RPS6KC1: variants seen among roughly 807,000 people sequenced by gnomAD.
RPS6KC1 encodes inactive ribosomal protein S6 kinase delta-1.
In RPS6KC1, 54 loss-of-function variants were observed where a neutral mutation model predicts 103.8. The ratio of observed to expected loss-of-function variants is 0.52; its 90% confidence interval spans 0.42 to 0.65. The LOEUF (loss-of-function observed/expected upper bound fraction) is 0.65. RPS6KC1 is among the 30% of genes least tolerant of loss of function. The probability of loss-of-function intolerance (pLI) is 0.00; values close to 1 mark genes in which losing one functional copy is unlikely to be tolerated. For synonymous variants in RPS6KC1, 439 were observed against 438.7 expected (o/e 1.00, Z -0.01); for missense variants, 1,151 against 1,253.8 (o/e 0.92, Z 1.24).
At chr1:213,394,114 C>T in the RPS6KC1 span, among the ~76,000 whole-genome samples, 1 of 152,040 alleles carries the variant, frequency 6.6e-6, no homozygotes, top group Non-Finnish European at 1.5e-5. Flanking sequence ...GGCAGCTTAG[C>T]TGAGTGCAGA....
chr1:213,373,760 A>C, the RPS6KC1 span, among the ~76,000 whole-genome samples: 1 of 152,224 alleles, frequency 6.6e-6, no homozygotes. Flanking sequence ...AAAGTAGCCT[A>C]TTGCACCTTC....
At chr1:213,346,155 G>A in the RPS6KC1 span, among the ~76,000 whole-genome samples, 1,786 of 152,106 alleles carry the variant, frequency 0.012, 40 homozygotes, top group African/African-American at 0.041. Context: ...TTTTTGCCTT[G>A]CATTTAACAA....
At chr1:213,803,899 A>G in the RPS6KC1 span, among the ~76,000 whole-genome samples, 1 of 138,188 alleles carries the variant, frequency 7.2e-6, no homozygotes, top group African/African-American at 2.7e-5. Context: ...GATCTACAAA[A>G]TGGACACTGG....
the RPS6KC1 span, among the ~76,000 whole-genome samples, chr1:213,667,290 C>T: frequency 6.6e-6 from 1 of 152,154 alleles, no homozygotes; most frequent in East Asian, 1.9e-4. Flanking sequence ...ACCTCAAAGA[C>T]ATTGCAAGCT....
the RPS6KC1 span, among the ~76,000 whole-genome samples, chr1:213,314,989 G>A: frequency 1.3e-5 from 2 of 152,068 alleles, no homozygotes; most frequent in Non-Finnish European, 2.9e-5. Flanking sequence ...AAAATGGGCA[G>A]CGCATCATTA....
At chr1:213,091,781 T>C (rs931533996) in intron 3 of RPS6KC1, among the ~76,000 whole-genome samples, 1 of 152,196 alleles carries the variant, frequency 6.6e-6, no homozygotes, top group Non-Finnish European at 1.5e-5. Flanking sequence ...CTTGAATTGT[T>C]AGGCCCAGTT....
At chr1:213,240,668 A>G (rs747406363) in intron 10 of RPS6KC1, 34 bp from the exon 11 acceptor site, 10 of 1,534,158 alleles carry the variant, frequency 6.5e-6, no homozygotes, top group Non-Finnish European at 8.8e-6. Context: ...GGAGATCTTA[A>G]TACTTTTGTT....
At chr1:213,357,796 A>C in the RPS6KC1 span, among the ~76,000 whole-genome samples, 2 of 152,220 alleles carry the variant, frequency 1.3e-5, no homozygotes, top group African/African-American at 4.8e-5. Flanking sequence ...GAGAAAGGTA[A>C]ACCAGGTTGT....
At chr1:213,301,172 C>T in the RPS6KC1 span, among the ~76,000 whole-genome samples, 9 of 152,144 alleles carry the variant, frequency 5.9e-5, no homozygotes, top group African/African-American at 1.4e-4. Context: ...GCTGTCTTCT[C>T]CTTTCCTGTT....
the RPS6KC1 span, among the ~76,000 whole-genome samples, chr1:213,342,617 A>G: frequency 1.3e-5 from 2 of 152,172 alleles, no homozygotes; most frequent in East Asian, 1.9e-4. Flanking sequence ...CAGCCTTTCC[A>G]TACAGTTACT....
the RPS6KC1 span, among the ~76,000 whole-genome samples, chr1:213,407,132 T>C: frequency 6.6e-6 from 1 of 152,088 alleles, no homozygotes; most frequent in East Asian, 1.9e-4. Flanking sequence ...GTGCCAGTGG[T>C]TGAATTCCAG....
At chr1:213,331,187 T>C in the RPS6KC1 span, among the ~76,000 whole-genome samples, 1 of 152,184 alleles carries the variant, frequency 6.6e-6, no homozygotes, top group African/African-American at 2.4e-5. Flanking sequence ...GATTTAATGA[T>C]GTATGGAGGA....
chr1:213,252,664 T>C (rs2094566250), intron 12 of RPS6KC1, among the ~76,000 whole-genome samples: 1 of 152,202 alleles, frequency 6.6e-6, no homozygotes, highest in African/African-American at 2.4e-5. Flanking sequence ...AAAGAGAACT[T>C]TGGAATCCTT....
intron 10 of RPS6KC1, among the ~76,000 whole-genome samples, chr1:213,239,057 T>C (rs894496689): frequency 3.3e-5 from 5 of 152,078 alleles, no homozygotes; most frequent in South Asian, 2.1e-4. Flanking sequence ...AGTTGAAATA[T>C]GGAGAAATGT....
chr1:213,152,354 C>T (rs867747400), intron 6 of RPS6KC1, among the ~76,000 whole-genome samples: 35 of 144,724 alleles, frequency 2.4e-4, no homozygotes, highest in African/African-American at 6.7e-4. Context: ...CCCTCCCGGA[C>T]GGGGCGGCTG....
chr1:213,599,110 C>T, the RPS6KC1 span, among the ~76,000 whole-genome samples: 1 of 151,918 alleles, frequency 6.6e-6, no homozygotes, highest in African/African-American at 2.4e-5. Flanking sequence ...TTTCATTTTC[C>T]CTGTGTGGTA....
the RPS6KC1 span, among the ~76,000 whole-genome samples, chr1:213,292,719 G>C: frequency 4.4e-3 from 671 of 152,292 alleles, 3 homozygotes; most frequent in African/African-American, 0.015. Context: ...AAGTGGAATA[G>C]AGGCGGTAGG....
At chr1:213,428,542 T>C in the RPS6KC1 span, among the ~76,000 whole-genome samples, 393 of 70,572 alleles carry the variant, frequency 5.6e-3, 4 homozygotes, top group East Asian at 9.6e-3. Context: ...CTCTCTCTCT[T>C]TCTTTCTTTC....
intron 6 of RPS6KC1, among the ~76,000 whole-genome samples, chr1:213,137,797 ATATTTTTT>A (rs1425265739): frequency 2.1e-4 from 7 of 33,034 alleles, no homozygotes; most frequent in African/African-American, 6.0e-4. Flanking sequence ...ATATATATAT[ATATTTTTT>A]TTTTTTTTTT....
Sources: allele counts gnomAD v4.1 joint callset (sites outside exome capture counted in the v4.1 genomes callset), GRCh38; gene constraint gnomAD v4.1.1; transcripts MANE v1.5; gene names NCBI Gene and HGNC (gene_info 2026-07-23, HGNC 2026-07-21).